The following C15orf40 variants were observed in gnomAD, a reference collection of about 807,000 sequenced individuals.
C15orf40 encodes the protein chromosome 15 open reading frame 40, also known as UPF0235 protein C15orf40.
A neutral mutation model predicts 13.9 loss-of-function variants in C15orf40; 9 were observed. The ratio of observed to expected loss-of-function variants is 0.65; its 90% CI spans 0.39 to 1.13. The LOEUF (loss-of-function observed/expected upper bound fraction) is 1.13. Ranked by LOEUF, C15orf40 falls within the 50% of genes most tolerant of loss-of-function variation. The probability of loss-of-function intolerance (pLI) is 0.01; values close to 1 mark genes in which losing one functional copy is unlikely to be tolerated. For missense variants in C15orf40, 225 were observed against 188.5 expected (o/e 1.19, Z -1.13); for synonymous variants, 95 against 69.2 (o/e 1.37, Z -1.85).
chr15:83,011,276 G>A (rs1034324160), intron 1 of C15orf40: 4 of 480,910 alleles, frequency 8.3e-6, no homozygotes, highest in Non-Finnish European at 1.4e-5. Flanking sequence ...CGGGCCCAGC[G>A]CTCAGAAATC....
At position 83,005,344 on chromosome 15, in the gene C15orf40, G is replaced by A. The variant is rs2031618037; in HGVS notation, c.*253C>T. 1 of 867,230 alleles carries A rather than the reference G, an allele frequency of 1.2e-6. No homozygotes were observed. The highest frequency in any genetic ancestry group is 1.4e-6 in the Non-Finnish European group (1 of 701,888). The allele number at this position is 867,230 out of a possible 1,614,324, so 53.7% of individuals were successfully genotyped here. A position where few individuals can be genotyped will look rare whatever the true frequency, so the allele number is the denominator to read the frequency against. On this transcript the variant is annotated 3_prime_UTR_variant, in exon 4 of 4. Coordinates refer to ENST00000304177, the MANE Select transcript of C15orf40 (RefSeq NM_144597.3). ...TTGTTGCCCAGGCTGGAGTGCAACG[G>A]CGCGATCTCGGCTTACTGCAACCTC...
chr15:83,010,347 T>C lies in C15orf40; in HGVS notation c.128A>G (p.Lys43Arg). 6.2e-7 allele frequency: 1 copy of C among 1,614,230 alleles called. No homozygotes were observed. The highest frequency in any genetic ancestry group is 1.6e-4 in the Middle Eastern group (1 of 6,062). ...GGGAGGAAGTGGTCTCTCTGGTTCC[T>C]TGCTCTGGCTTTTACCCTAAAATGA... ...GATTKGKSQS[K>R]EPERPLPPLG... The change falls in exon 2 of 4, where the codon AAG becomes AGG. Residue 43 changes from lysine (K) to arginine (R), a missense_variant. Coordinates refer to ENST00000304177, the MANE Select transcript of C15orf40 (RefSeq NM_144597.3).
At chr15:82,994,762 T>C (rs1319144945), downstream of C15orf40, 1 of 152,178 alleles carries the variant, frequency 6.6e-6, no homozygotes, top group African/African-American at 2.4e-5. Flanking sequence ...AATGAGGATT[T>C]TGAAATATTA....
At position 82,999,355 on chromosome 15, in the gene C15orf40, G is replaced by GTTAATCTTT. The variant is rs1162092550; in HGVS notation, c.*6241_*6242insAAAGATTAA. The GTTAATCTTT allele has an allele frequency of 6.6e-6, 1 of 151,976 alleles. No individual in the cohort carries two copies. Among genetic ancestry groups the GTTAATCTTT allele is most frequent in the East Asian group, 1.9e-4 (1 of 5,182 alleles). The allele number at this position is 151,976 out of a possible 1,614,324, so 9.4% of individuals were successfully genotyped here. The stretch of plus-strand genomic sequence containing the variant: ...CTACAGGCACACACCACCATGCCTA[G>GTTAATCTTT]TTAATTTTTTTAATTTTTTTTGGAG... On this transcript the variant is annotated 3_prime_UTR_variant, in exon 4 of 4. Transcript: ENST00000304177.
At position 83,010,337 on chromosome 15, in the gene C15orf40, C is replaced by G. The variant is rs756564956; in HGVS notation, c.138G>C (p.Glu46Asp). The G allele has an allele frequency of 6.2e-7, 1 of 1,614,168 alleles. No individual in the cohort carries two copies. The highest frequency in any genetic ancestry group is 8.5e-7 in the Non-Finnish European group (1 of 1,180,040). The change falls in exon 2 of 4, where the codon GAG (glutamate) becomes GAC (aspartate). Residue 46 changes from glutamate (E) to aspartate (D), a missense_variant. Physicochemically the swap from Glu to Asp is conservative, Grantham distance 45. Coordinates refer to ENST00000304177, the MANE Select transcript of C15orf40 (RefSeq NM_144597.3). ...CAGGACCTAAGGGAGGAAGTGGTCT[C>G]TCTGGTTCCTTGCTCTGGCTTTTAC... is the stretch of plus-strand genomic sequence containing the variant. Reference protein sequence around the residue: ...TKGKSQSKEPERPLPPLGPVA... With the variant: ...TKGKSQSKEPDRPLPPLGPVA...
rs1159207820 is a variant in C15orf40, at chr15:83,000,223, G to A, written c.*5374C>T. On this transcript the variant is annotated 3_prime_UTR_variant, in exon 4 of 4. Coordinates refer to ENST00000304177, the MANE Select transcript of C15orf40 (RefSeq NM_144597.3). ...ACTATACAGTCTATTTGGCAGTTGTGTTCTTCACTCAAGTTAATAAGCTGG... is the reference window on the plus strand; with the variant it reads ...ACTATACAGTCTATTTGGCAGTTGTATTCTTCACTCAAGTTAATAAGCTGG... 6.6e-6 allele frequency: 1 copy of A among 152,216 alleles called. No homozygotes were observed. Among genetic ancestry groups the A allele is most frequent in the Non-Finnish European group, 1.5e-5 (1 of 68,058 alleles). 9.4% of individuals were successfully genotyped at this position (152,216 alleles called of 1,614,324 possible).
chr15:83,005,052 G>A lies in C15orf40; in HGVS notation c.*545C>T. 8.3e-7 allele frequency: 1 copy of A among 1,206,184 alleles called. No homozygotes were observed. Among genetic ancestry groups the A allele is most frequent in the Non-Finnish European group, 1.1e-6 (1 of 934,432 alleles). 74.7% of individuals were successfully genotyped at this position (1,206,184 alleles called of 1,614,324 possible). A position where few individuals can be genotyped will look rare whatever the true frequency, so the allele number is the denominator to read the frequency against. The stretch of plus-strand genomic sequence containing the variant: ...CATCTTGAATATTCTTCCCAGCTCT[G>A]TTATTTTACAACGCCATGAAATCAG... On this transcript the variant is annotated 3_prime_UTR_variant, in exon 4 of 4. Transcript: ENST00000304177.
At chr15:82,991,472 G>A (rs2030858104), downstream of C15orf40, among the ~76,000 whole-genome samples, 2 of 152,202 alleles carry the variant, frequency 1.3e-5, no homozygotes, top group Non-Finnish European at 2.9e-5. Flanking sequence ...TTGAAGCCCA[G>A]AGGCGGAAGT....
chr15:82,993,719 C>T (rs540078029), downstream of C15orf40, among the ~76,000 whole-genome samples: 2 of 152,266 alleles, frequency 1.3e-5, no homozygotes, highest in South Asian at 2.1e-4. Context: ...GCTGGAGAAT[C>T]GCTTGAACCT....
rs1339914569 is a variant in C15orf40, at chr15:83,005,504, G to A, written c.*93C>T. On this transcript the variant is annotated 3_prime_UTR_variant, in exon 4 of 4. Coordinates refer to ENST00000304177, the MANE Select transcript of C15orf40 (RefSeq NM_144597.3). ...TCACCATGTTGGTCAGGCTGGTCTC[G>A]AACTCCTGACCTCAGGTGATCCGCC... The A allele has an allele frequency of 1.0e-5, 12 of 1,146,724 alleles. No homozygotes were observed. The highest frequency in any genetic ancestry group is 2.5e-5 in the Admixed American group (1 of 39,686). The allele number at this position is 1,146,724 out of a possible 1,614,324, so 71.0% of individuals were successfully genotyped here.
intron 2 of C15orf40, 51 bp downstream of exon 2, chr15:83,010,186 G>A (rs764717406): frequency 3.7e-5 from 60 of 1,609,946 alleles, no homozygotes; most frequent in Non-Finnish European, 4.8e-5. Context: ...AAGGAGGGCT[G>A]TAGGAGACAC....
chr15:83,005,888 G>A (rs2031653070), intron 3 of C15orf40, among the ~76,000 whole-genome samples, 196 bp from the exon 4 acceptor site: 2 of 152,056 alleles, frequency 1.3e-5, no homozygotes, highest in African/African-American at 4.8e-5. Context: ...CAACTCTCCA[G>A]GGTTTTTACC....
chr15:83,004,998 C>G lies in C15orf40; in HGVS notation c.*599G>C. The G allele has an allele frequency of 7.9e-7, 1 of 1,263,982 alleles. No individual in the cohort carries two copies. The highest frequency in any genetic ancestry group is 1.0e-6 in the Non-Finnish European group (1 of 959,604). 78.3% of individuals were successfully genotyped at this position (1,263,982 alleles called of 1,614,324 possible). ...CTGGATATAGGAAATCAAAGGCCCCCCAACAGAATGAAAGGTGTTAAATCA... is the reference window on the plus strand; with the variant it reads ...CTGGATATAGGAAATCAAAGGCCCCGCAACAGAATGAAAGGTGTTAAATCA... On this transcript the variant is annotated 3_prime_UTR_variant, in exon 4 of 4. Coordinates refer to ENST00000304177, the MANE Select transcript of C15orf40 (RefSeq NM_144597.3).
Position 82,999,860 on chromosome 15 carries a change from T to G in C15orf40, c.*5737A>C, listed in dbSNP as rs1486096478. 4 of 152,068 alleles carry G rather than the reference T, an allele frequency of 2.6e-5. No homozygotes were observed. Among genetic ancestry groups the G allele is most frequent in the African/African-American group, 9.7e-5 (4 of 41,410 alleles). 9.4% of individuals were successfully genotyped at this position (152,068 alleles called of 1,614,324 possible). On this transcript the variant is annotated 3_prime_UTR_variant, in exon 4 of 4. Transcript: ENST00000304177. The stretch of plus-strand genomic sequence containing the variant: ...CCGATGGACCCTGAGGCAGACAGGA[T>G]TATAAAATGCAAAAACCCTTAATAA...
In C15orf40 at chr15:83,004,854, G is replaced by A. The variant is rs369658937; in HGVS notation, c.*743C>T. 48 of 1,302,084 alleles carry A rather than the reference G, an allele frequency of 3.7e-5. No homozygotes were observed. The highest frequency in any genetic ancestry group is 7.6e-5 in the African/African-American group (5 of 65,812). The allele number at this position is 1,302,084 out of a possible 1,614,324, so 80.7% of individuals were successfully genotyped here. On this transcript the variant is annotated 3_prime_UTR_variant, in exon 4 of 4. Coordinates refer to ENST00000304177, the MANE Select transcript of C15orf40 (RefSeq NM_144597.3). ...AGGCAATCCCCAGAATTCCAGAACC[G>A]TTGTGGAGATATGATTTTTAATTTA... is the stretch of plus-strand genomic sequence containing the variant.
In C15orf40 at chr15:83,003,597, A is replaced by G. The variant is rs1456905835; in HGVS notation, c.*2000T>C. 6.6e-6 allele frequency: 1 copy of G among 152,262 alleles called. No individual in the cohort carries two copies. Among genetic ancestry groups the G allele is most frequent in the African/African-American group, 2.4e-5 (1 of 41,474 alleles). The allele number at this position is 152,262 out of a possible 1,614,324, so 9.4% of individuals were successfully genotyped here. A position where few individuals can be genotyped will look rare whatever the true frequency, so the allele number is the denominator to read the frequency against. On this transcript the variant is annotated 3_prime_UTR_variant, in exon 4 of 4. Coordinates refer to ENST00000304177, the MANE Select transcript of C15orf40 (RefSeq NM_144597.3). The stretch of plus-strand genomic sequence containing the variant: ...CACATTTGCAGGCAGTATATGGCAC[A>G]GTTTAGAAGACAAAGCAGCTGGGCT...
chr15:83,008,938 G>C (rs926546825), intron 2 of C15orf40, among the ~76,000 whole-genome samples: 1 of 152,174 alleles, frequency 6.6e-6, no homozygotes, highest in African/African-American at 2.4e-5. Flanking sequence ...ACAGAGCCCT[G>C]GGGAATATCC....
At position 83,004,815 on chromosome 15, in the gene C15orf40, T is replaced by C. The variant is rs941420477; in HGVS notation, c.*782A>G. The C allele has an allele frequency of 4.8e-6, 6 of 1,252,514 alleles. No homozygotes were observed. Among genetic ancestry groups the C allele is most frequent in the Non-Finnish European group, 6.3e-6 (6 of 957,720 alleles). The allele number at this position is 1,252,514 out of a possible 1,614,324, so 77.6% of individuals were successfully genotyped here. ...AGCATAACAGGTTTTCTGTCACTTG[T>C]AAACTGGATTAGAAGGCAATCCCCA... On this transcript the variant is annotated 3_prime_UTR_variant, in exon 4 of 4. Transcript: ENST00000304177.
chr15:82,989,445 A>G (rs1342310319), downstream of C15orf40, among the ~76,000 whole-genome samples: 1 of 152,212 alleles, frequency 6.6e-6, no homozygotes, highest in African/African-American at 2.4e-5. Context: ...AATATTTTCA[A>G]TGCAAATCTA....
Sources: gnomAD v4.1 joint callset for allele counts (sites outside exome capture counted in the v4.1 genomes callset) on GRCh38, gnomAD v4.1.1 for gene constraint, MANE v1.5 for transcripts, NCBI Gene and HGNC (gene_info 2026-07-23, HGNC 2026-07-21) for gene names.